SLC9A3: variants seen among roughly 807,000 people sequenced by gnomAD.
SLC9A3 encodes the protein sodium/hydrogen exchanger 3.
A neutral mutation model predicts 86.8 loss-of-function variants in SLC9A3; 37 were observed. The ratio of observed to expected loss-of-function variants is 0.43; its 90% CI spans 0.33 to 0.56. The LOEUF is 0.56. Among genes scored for constraint, SLC9A3 ranks in the 20% least tolerant of loss-of-function variants. The pLI, the probability that SLC9A3 is intolerant of heterozygous loss-of-function variation, is 0.06. For synonymous variants in SLC9A3, 581 were observed against 528.3 expected, an observed-to-expected ratio of 1.10 and a Z score of -1.37; for missense variants, 1,011 against 1,171.9, an observed-to-expected ratio of 0.86 and a Z score of 2.00.
At chr5:513,632 G>A (rs891692339) in intron 1 of SLC9A3, among the ~76,000 whole-genome samples, 1 of 152,166 alleles carries the variant, frequency 6.6e-6, no homozygotes, top group Admixed American at 6.5e-5. Context: ...AGACGGCCAC[G>A]TCTGACTTCA....
intron 1 of SLC9A3, among the ~76,000 whole-genome samples, chr5:492,356 G>A (rs190137954): frequency 1.1e-3 from 64 of 56,536 alleles, no homozygotes; most frequent in African/African-American, 2.5e-3. Flanking sequence ...GGGAGCCCAT[G>A]GGGGAGGGGA....
intron 1 of SLC9A3, among the ~76,000 whole-genome samples, chr5:515,167 C>A (rs1254509602): frequency 6.6e-6 from 1 of 152,108 alleles, no homozygotes; most frequent in Admixed American, 6.5e-5. Flanking sequence ...GGTCTCCCAC[C>A]CCAGAGTCCA....
intron 1 of SLC9A3, among the ~76,000 whole-genome samples, chr5:514,095 C>A (rs543610819): frequency 1.3e-5 from 2 of 152,384 alleles, no homozygotes; most frequent in South Asian, 4.1e-4. Context: ...GGGAGGGCAC[C>A]CTGCTTTCTG....
At chr5:519,352 G>A (rs904458192) in intron 1 of SLC9A3, among the ~76,000 whole-genome samples, 33 of 152,202 alleles carry the variant, frequency 2.2e-4, no homozygotes, top group African/African-American at 8.0e-4. Flanking sequence ...TTCAGCTGGA[G>A]TGGGTAGCAG....
intron 1 of SLC9A3, among the ~76,000 whole-genome samples, chr5:507,220 G>C (rs1386470948): frequency 1.1e-5 from 1 of 90,652 alleles, no homozygotes; most frequent in Non-Finnish European, 1.9e-5. Flanking sequence ...CCAGGCTGGA[G>C]TGCGGTGGCG....
At chr5:492,478 G>T (rs1739825927) in intron 1 of SLC9A3, among the ~76,000 whole-genome samples, 1 of 151,532 alleles carries the variant, frequency 6.6e-6, no homozygotes, top group South Asian at 2.1e-4. Context: ...AGGTCCAGGT[G>T]ATCAGGTCCC....
chr5:475,990 C>A, intron 14 of SLC9A3, 30 bp downstream of exon 14: 2 of 1,575,362 alleles, frequency 1.3e-6, no homozygotes, highest in Non-Finnish European at 1.7e-6. Flanking sequence ...GGCTCCCAGT[C>A]CCAGCGTTCC....
At chr5:520,032 C>A (rs1316786080) in intron 1 of SLC9A3, among the ~76,000 whole-genome samples, 3 of 152,188 alleles carry the variant, frequency 2.0e-5, no homozygotes, top group Non-Finnish European at 1.5e-5. Flanking sequence ...AACACAAGCT[C>A]CACTTCGAGA....
rs70955250 is a variant in SLC9A3, at chr5:473,144, C to CGGCCCCGCCCCCGGCGCA, written c.*217_*234dup. ...GCGCACTCGGCAGCCCTCGGCGCTC[C>CGGCCCCGCCCCCGGCGCA]GGCCCCGCCCCCGGCGCAGGCCCCG... is the stretch of plus-strand genomic sequence containing the variant. On this transcript the variant is annotated 3_prime_UTR_variant, in exon 17 of 17. Coordinates refer to ENST00000264938, the MANE Select transcript of SLC9A3 (RefSeq NM_004174.4). 0.3 allele frequency: 70,644 copies of CGGCCCCGCCCCCGGCGCA among 235,856 alleles called. 12,782 individuals carry two copies. Among genetic ancestry groups the CGGCCCCGCCCCCGGCGCA allele is most frequent in the African/African-American group, 0.47 (19,658 of 41,932 alleles). 14.6% of individuals were successfully genotyped at this position (235,856 alleles called of 1,614,324 possible).
At chr5:500,142 G>A (rs1740194860) in intron 1 of SLC9A3, among the ~76,000 whole-genome samples, 1 of 152,262 alleles carries the variant, frequency 6.6e-6, no homozygotes, top group Non-Finnish European at 1.5e-5. Context: ...GGGTGTCTGA[G>A]GCCTTAAGGA....
Position 524,174 on chromosome 5 carries a change from G to C in SLC9A3, c.149C>G (p.Ala50Gly). Residue 50 changes from alanine to glycine, a missense_variant, in exon 1 of 17, where the codon GCC becomes GGC. Ala to Gly is a moderately conservative substitution (Grantham distance 60). Transcript: ENST00000264938. ...GATGACGTAGGGATCCTGCACGTGG[G>C]CCCACTCGAAGGTGACCACCTGGAA... is the stretch of plus-strand genomic sequence containing the variant. ...GGFQVVTFEW[A>G]HVQDPYVIAL... 6.5e-7 allele frequency: 1 copy of C among 1,548,208 alleles called. No homozygotes were observed. Among genetic ancestry groups the C allele is most frequent in the East Asian group, 2.6e-5 (1 of 37,946 alleles).
At chr5:486,909 GCACTGACACCCACCA>G (rs1739504240) in intron 3 of SLC9A3, among the ~76,000 whole-genome samples, 2 of 118,316 alleles carry the variant, frequency 1.7e-5, no homozygotes, top group Admixed American at 8.7e-5. Flanking sequence ...GATCCAGACC[GCACTGACACCCACCA>G]CACTGACACC....
intron 1 of SLC9A3, among the ~76,000 whole-genome samples, chr5:517,458 C>T (rs1733763929): frequency 6.6e-6 from 1 of 151,478 alleles, no homozygotes; most frequent in Admixed American, 6.6e-5. Flanking sequence ...TCCATTCATC[C>T]AAGCCATCTA....
In SLC9A3 at chr5:475,667, C is replaced by A; in HGVS notation, c.2145G>T (p.Leu715Phe). 1 of 1,541,996 alleles carries A rather than the reference C, an allele frequency of 6.5e-7. No homozygotes were observed. The highest frequency in any genetic ancestry group is 8.8e-7 in the Non-Finnish European group (1 of 1,137,988). Reference protein sequence around the residue: ...AQNFTIKEKDLELSDTEEPPN... With the variant: ...AQNFTIKEKDFELSDTEEPPN... Reference sequence around the variant, plus strand: ...GGGGCTCCTCGGTGTCTGAAAGTTCCAAGTCTGGGGAAGACAGGTTGGGGT... The same window carrying A: ...GGGGCTCCTCGGTGTCTGAAAGTTCAAAGTCTGGGGAAGACAGGTTGGGGT... Residue 715 changes from leucine (L) to phenylalanine (F), a missense_variant, in exon 15 of 17, where the codon TTG becomes TTT. Transcript: ENST00000264938.
Position 482,603 on chromosome 5 carries a change from T to C in SLC9A3, c.1301A>G (p.Lys434Arg), listed in dbSNP as rs373929839. The change falls in exon 7 of 17, where the codon AAG (lysine) becomes AGG (arginine). Residue 434 changes from lysine (K) to arginine (R), a missense_variant. Coordinates refer to ENST00000264938, the MANE Select transcript of SLC9A3 (RefSeq NM_004174.4). Reference protein sequence around the residue: ...VLLDGDKVKEKNLFVSTTIIV... With the variant: ...VLLDGDKVKERNLFVSTTIIV... ...GATGGTGGTGCTGACGAACAGGTTC[T>C]TCTCCTTGACCTTGTCTCCATCCAG... 1.2e-6 allele frequency: 2 copies of C among 1,612,834 alleles called. No homozygotes were observed. Among genetic ancestry groups the C allele is most frequent in the Non-Finnish European group, 1.7e-6 (2 of 1,179,914 alleles).
intron 16 of SLC9A3, among the ~76,000 whole-genome samples, chr5:474,087 GGA>G (rs1383305278): frequency 3.3e-5 from 5 of 152,302 alleles, no homozygotes; most frequent in East Asian, 1.9e-4. Flanking sequence ...AGGGGCTGCT[GGA>G]GAGAGAGAGC....
chr5:496,856 G>A lies in SLC9A3; in HGVS notation c.212-4785C>T, dbSNP rs1203494420. Among the ~76,000 whole-genome samples, 1 of 152,060 alleles carries A rather than the reference G, an allele frequency of 6.6e-6. No homozygotes were observed. The highest frequency in any genetic ancestry group is 1.5e-5 in the Non-Finnish European group (1 of 68,008). ...CCTTGAGCCCAGGAGTTCGAGACCA[G>A]CCTGGGCAACATGGCGAAACCCCAT... On this transcript the variant is annotated intron_variant, in intron 1 of 16. Coordinates refer to ENST00000264938, the MANE Select transcript of SLC9A3 (RefSeq NM_004174.4). This position sits in a 1 kb window ranked among gnomAD's most constrained non-coding sequence, Gnocchi z 4.7.
chr5:493,109 G>A (rs1203115089), intron 1 of SLC9A3, among the ~76,000 whole-genome samples: 1 of 120,650 alleles, frequency 8.3e-6, no homozygotes, highest in Non-Finnish European at 2.0e-5. Flanking sequence ...TGTTTTAGTT[G>A]GACTCAGAAA....
At chr5:509,578 C>G (rs1245835654) in intron 1 of SLC9A3, among the ~76,000 whole-genome samples, 2 of 152,036 alleles carry the variant, frequency 1.3e-5, no homozygotes, top group Non-Finnish European at 2.9e-5. Flanking sequence ...AACGTGGAAC[C>G]CTGGAACTCA....
Sources: allele counts gnomAD v4.1 joint callset (sites outside exome capture counted in the v4.1 genomes callset), GRCh38; gene constraint gnomAD v4.1.1; non-coding constraint Gnocchi (gnomAD v3.1); transcripts MANE v1.5; gene names NCBI Gene and HGNC (gene_info 2026-07-23, HGNC 2026-07-21).